Variants in SLC9A2 observed in about 807,000 individuals in gnomAD.
The protein encoded by SLC9A2 is solute carrier family 9 member A2.
Under a neutral mutation model 71.7 loss-of-function variants are expected in SLC9A2, and 42 were observed. The ratio of observed to expected loss-of-function variants is 0.59; its 90% CI spans 0.46 to 0.76. The LOEUF is 0.76. Among genes scored for constraint, SLC9A2 ranks in the 30% least tolerant of loss-of-function variants. The pLI, the probability that SLC9A2 is intolerant of heterozygous loss-of-function variation, is 0.00. For missense variants in SLC9A2, 829 were observed against 1,017.4 expected (o/e 0.81, Z 2.52); for synonymous variants, 396 against 392.5 (o/e 1.01, Z -0.10).
chr2:102,697,636 C>T (rs1677792920), intron 7 of SLC9A2, among the ~76,000 whole-genome samples: 1 of 146,150 alleles, frequency 6.8e-6, no homozygotes. Context: ...TATACAGTGT[C>T]ATAGACATCA....
chr2:102,640,308 C>G (rs1205880486), intron 1 of SLC9A2, among the ~76,000 whole-genome samples: 4 of 152,330 alleles, frequency 2.6e-5, no homozygotes, highest in African/African-American at 4.8e-5. Flanking sequence ...AGACAGCAGC[C>G]TGGTATCCTA....
intron 1 of SLC9A2, among the ~76,000 whole-genome samples, chr2:102,642,042 T>TATAATAATAATAATA (rs10682813): frequency 6.7e-6 from 1 of 149,696 alleles, no homozygotes; most frequent in Non-Finnish European, 1.5e-5. Flanking sequence ...GAACTTAAAA[T>TATAATAATAATAATA]ATAATAATAA....
At chr2:102,625,755 A>C (rs1050680039) in intron 1 of SLC9A2, among the ~76,000 whole-genome samples, 1 of 152,128 alleles carries the variant, frequency 6.6e-6, no homozygotes, top group African/African-American at 2.4e-5. Flanking sequence ...AGTCTTTGCT[A>C]TTGTGAGTAG....
chr2:102,682,972 T>C (rs6756166), intron 3 of SLC9A2, among the ~76,000 whole-genome samples: 100,908 of 152,122 alleles, frequency 0.66, 34,223 homozygotes, highest in East Asian at 0.86. Flanking sequence ...GGAGAGCTGA[T>C]GGTGTCGACG....
intron 7 of SLC9A2, among the ~76,000 whole-genome samples, chr2:102,695,789 T>TATTA (rs1491564116): frequency 0.057 from 2,096 of 36,772 alleles, 57 homozygotes; most frequent in Non-Finnish European, 0.094. Context: ...TATATATATA[T>TATTA]TATATATATA....
chr2:102,695,800 T>TATATAATA (rs1491352314), intron 7 of SLC9A2, among the ~76,000 whole-genome samples: 1 of 93,010 alleles, frequency 1.1e-5, no homozygotes, highest in African/African-American at 3.9e-5. Flanking sequence ...TATATATATA[T>TATATAATA]TATATATATA....
intron 5 of SLC9A2, among the ~76,000 whole-genome samples, chr2:102,687,520 G>A (rs1233513952): frequency 6.6e-6 from 1 of 152,128 alleles, no homozygotes; most frequent in Non-Finnish European, 1.5e-5. Flanking sequence ...TGACTTTTAT[G>A]TTGATGGACC....
rs1676975772 is a variant in SLC9A2, at chr2:102,657,931, T to C, written c.657T>C (p.Pro219=). The change falls in exon 2 of 12, where the codon CCT becomes CCC. Residue 219 remains proline (P), a synonymous_variant. Coordinates refer to ENST00000233969, the MANE Select transcript of SLC9A2 (RefSeq NM_003048.6). Reference sequence around the variant, plus strand: ...GCAGCTTAATCTCAGCTGTCGATCCTGTGGCTGTGCTTGCTGTCTTTGAGA... The same window carrying C: ...GCAGCTTAATCTCAGCTGTCGATCCCGTGGCTGTGCTTGCTGTCTTTGAGA... ...LFGSLISAVD[P]VAVLAVFENI... 1 of 1,614,234 alleles carries C rather than the reference T, an allele frequency of 6.2e-7. No homozygotes were observed. Among genetic ancestry groups the C allele is most frequent in the East Asian group, 2.2e-5 (1 of 44,878 alleles).
At chr2:102,651,314 A>G (rs1381644152) in intron 1 of SLC9A2, among the ~76,000 whole-genome samples, 1 of 152,094 alleles carries the variant, frequency 6.6e-6, no homozygotes, top group Non-Finnish European at 1.5e-5. Context: ...GGAAATAACC[A>G]ACTTCTGTCC....
chr2:102,644,359 GC>G (rs535090830), intron 1 of SLC9A2, among the ~76,000 whole-genome samples: 1 of 152,288 alleles, frequency 6.6e-6, no homozygotes, highest in East Asian at 1.9e-4. Flanking sequence ...CACAACCAGG[GC>G]CCTCGGTTTC....
chr2:102,701,359 TGGG>T (rs1677871999), intron 8 of SLC9A2, 128 bp downstream of exon 8: 6 of 706,928 alleles, frequency 8.5e-6, no homozygotes, highest in Non-Finnish European at 1.3e-5. Context: ...CCCAGAGTGC[TGGG>T]ATTACAGGCA....
intron 1 of SLC9A2, among the ~76,000 whole-genome samples, chr2:102,633,223 T>C (rs1676408196): frequency 6.6e-6 from 1 of 152,158 alleles, no homozygotes; most frequent in Non-Finnish European, 1.5e-5. Flanking sequence ...TTTTAAAAAA[T>C]AGATGAGGAT....
At chr2:102,639,052 T>G (rs1293991659) in intron 1 of SLC9A2, among the ~76,000 whole-genome samples, 1 of 152,202 alleles carries the variant, frequency 6.6e-6, no homozygotes, top group Non-Finnish European at 1.5e-5. Context: ...GATGTGCTGG[T>G]GTGCACCTGT....
At chr2:102,702,030 TA>T (rs1020518371) in intron 8 of SLC9A2, among the ~76,000 whole-genome samples, 11 of 152,360 alleles carry the variant, frequency 7.2e-5, no homozygotes, top group Admixed American at 6.5e-4. Flanking sequence ...ATGAGGTTTT[TA>T]AAATATGAAA....
At chr2:102,667,844 T>C (rs915161963) in intron 3 of SLC9A2, among the ~76,000 whole-genome samples, 1 of 150,942 alleles carries the variant, frequency 6.6e-6, no homozygotes, top group African/African-American at 2.4e-5. Flanking sequence ...ATGAGACGGG[T>C]GGATCAATCG....
intron 3 of SLC9A2, among the ~76,000 whole-genome samples, chr2:102,682,318 A>G (rs1677468273): frequency 6.6e-6 from 1 of 152,214 alleles, no homozygotes; most frequent in Non-Finnish European, 1.5e-5. Flanking sequence ...CTAGACAGAG[A>G]GGAACCCATG....
At chr2:102,695,826 A>T (rs35996935) in intron 7 of SLC9A2, among the ~76,000 whole-genome samples, 6,906 of 108,566 alleles carry the variant, frequency 0.064, 369 homozygotes, top group Middle Eastern at 0.15. Flanking sequence ...TATATATATA[A>T]AAAGCTAAAA....
At chr2:102,661,292 T>TAACCGG (rs556186407) in intron 2 of SLC9A2, among the ~76,000 whole-genome samples, 131 of 152,324 alleles carry the variant, frequency 8.6e-4, no homozygotes, top group Admixed American at 3.1e-3. Context: ...CATCTGCTCA[T>TAACCGG]AACCGGGCTT....
At chr2:102,679,173 T>G (rs1677401389) in intron 3 of SLC9A2, among the ~76,000 whole-genome samples, 1 of 152,284 alleles carries the variant, frequency 6.6e-6, no homozygotes, top group South Asian at 2.1e-4. Flanking sequence ...TACTAGGGTC[T>G]GTGGTACCCA....
Sources: allele counts gnomAD v4.1 joint callset (sites outside exome capture counted in the v4.1 genomes callset), GRCh38; gene constraint gnomAD v4.1.1; transcripts MANE v1.5; gene names NCBI Gene and HGNC (gene_info 2026-07-23, HGNC 2026-07-21).